PRDM4: variants seen among roughly 807,000 people sequenced by gnomAD.
PRDM4 encodes the protein PR domain zinc finger protein 4.
A neutral mutation model predicts 62.3 loss-of-function variants in PRDM4; 38 were observed. The ratio of observed to expected loss-of-function variants is 0.61; its 90% confidence interval spans 0.47 to 0.80. The LOEUF (loss-of-function observed/expected upper bound fraction) is 0.80, where lower values mean the gene tolerates loss of function less well. Ranked by LOEUF, PRDM4 falls within the 30% of genes least tolerant of loss-of-function variation. The pLI is 0.00. For synonymous variants in PRDM4, 339 were observed against 348.2 expected, an observed-to-expected ratio of 0.97 and a Z score of 0.30; for missense variants, 858 against 997.1, an observed-to-expected ratio of 0.86 and a Z score of 1.88.
chr12:107,752,242 T>A, intron 4 of PRDM4, 33 bp from the exon 5 acceptor site: 4 of 1,458,352 alleles, frequency 2.7e-6, no homozygotes, highest in Non-Finnish European at 3.8e-6. Context: ...TATCAGAGAC[T>A]TTTAGTACAT....
chr12:107,748,918 T>C (rs1454968060), intron 5 of PRDM4, among the ~76,000 whole-genome samples: 2 of 152,202 alleles, frequency 1.3e-5, no homozygotes, highest in African/African-American at 4.8e-5. Context: ...ACCTCCTACC[T>C]TCTGCTAAAT....
chr12:107,746,194 A>C, intron 6 of PRDM4, 81 bp downstream of exon 6: 5 of 1,527,734 alleles, frequency 3.3e-6, no homozygotes, highest in Non-Finnish European at 4.5e-6. Context: ...TAATTACTAA[A>C]TTATACACAT....
intron 10 of PRDM4, chr12:107,739,761 C>A: frequency 4.5e-6 from 2 of 446,990 alleles, no homozygotes; most frequent in East Asian, 7.0e-5. Context: ...TTAATTTGAT[C>A]TCCTTTAGGA....
Position 107,734,151 on chromosome 12 carries a change from C to T in PRDM4, c.*59G>A, listed in dbSNP as rs773687284. On this transcript the variant is annotated 3_prime_UTR_variant, in exon 12 of 12. Transcript: ENST00000228437. ...ATATAAAAACCATTATAGTAGATAA[C>T]TGGTTATGTGTATTTTTCCATTTGC... 11 of 1,475,650 alleles carry T rather than the reference C, an allele frequency of 7.5e-6. No homozygotes were observed. The highest frequency in any genetic ancestry group is 1.0e-5 in the Non-Finnish European group (11 of 1,092,790). 91.4% of individuals were successfully genotyped at this position (1,475,650 alleles called of 1,614,324 possible).
chr12:107,757,111 A>G, intron 2 of PRDM4, 146 bp from the exon 3 acceptor site: 1 of 739,526 alleles, frequency 1.4e-6, no homozygotes, highest in Non-Finnish European at 2.2e-6. Flanking sequence ...ATTCTCTTAG[A>G]TAGCTAGTGC....
Position 107,734,201 on chromosome 12 carries a change from C to T in PRDM4, c.*9G>A. On this transcript the variant is annotated 3_prime_UTR_variant, in exon 12 of 12. Coordinates refer to ENST00000228437, the MANE Select transcript of PRDM4 (RefSeq NM_012406.4). The stretch of plus-strand genomic sequence containing the variant: ...CATTTTCATCCAAAATTGCTTGTTT[C>T]TTTTCCTTTTATTTATGTGCAGAAA... 4 of 1,569,724 alleles carry T rather than the reference C, an allele frequency of 2.5e-6. No homozygotes were observed. The highest frequency in any genetic ancestry group is 2.6e-6 in the Non-Finnish European group (3 of 1,160,414).
chr12:107,757,710 T>C (rs1163453386), intron 2 of PRDM4, among the ~76,000 whole-genome samples: 2 of 151,838 alleles, frequency 1.3e-5, no homozygotes, highest in African/African-American at 4.9e-5. Context: ...AAGTTTTTCA[T>C]TGCACCAAAC....
intron 5 of PRDM4, 32 bp from the exon 6 acceptor site, chr12:107,746,456 G>C: frequency 1.3e-6 from 2 of 1,506,010 alleles, no homozygotes; most frequent in Non-Finnish European, 1.8e-6. Flanking sequence ...AATACAAATG[G>C]GTTTAGTTCA....
chr12:107,742,406 A>G (rs1317190665), intron 8 of PRDM4, 58 bp from the exon 9 acceptor site: 26 of 1,558,912 alleles, frequency 1.7e-5, no homozygotes, highest in Admixed American at 1.0e-4. Flanking sequence ...TACTAAGTAC[A>G]ACATTCCCCC....
At chr12:107,752,862 C>T (rs749253298) in intron 4 of PRDM4, among the ~76,000 whole-genome samples, 2 of 152,014 alleles carry the variant, frequency 1.3e-5, no homozygotes, top group East Asian at 1.9e-4. Flanking sequence ...TACATAAAGA[C>T]GTTCATAAGA....
chr12:107,750,106 C>T (rs1307279380), intron 5 of PRDM4, among the ~76,000 whole-genome samples: 1 of 152,184 alleles, frequency 6.6e-6, no homozygotes, highest in East Asian at 1.9e-4. Context: ...CAATGCACTT[C>T]ACCCCATCGT....
Position 107,746,327 on chromosome 12 carries a change from A to G in PRDM4, c.1224T>C (p.Leu408=), listed in dbSNP as rs1890704074. ...GGAGAACAAGCTGCTTTGGGAGAGA[A>G]AGCCTTGCTCTGCTCTCTATTGGAG... The part of the protein sequence containing the change: ...PDTPIESRAR[L]SLPKQLVLRQ... The change falls in exon 6 of 12, where the codon CTT becomes CTC. Residue 408 remains leucine, a synonymous_variant. Transcript: ENST00000228437. 6.2e-7 allele frequency: 1 copy of G among 1,614,034 alleles called. No homozygotes were observed. The highest frequency in any genetic ancestry group is 8.5e-7 in the Non-Finnish European group (1 of 1,180,024).
chr12:107,748,103 C>T (rs530090719), intron 5 of PRDM4, among the ~76,000 whole-genome samples: 15 of 151,972 alleles, frequency 9.9e-5, no homozygotes, highest in African/African-American at 3.1e-4. Flanking sequence ...GGCTTGAACC[C>T]GGGAGGTGGA....
chr12:107,744,131 A>G (rs1010286810), intron 7 of PRDM4, among the ~76,000 whole-genome samples: 2 of 152,156 alleles, frequency 1.3e-5, no homozygotes, highest in African/African-American at 4.8e-5. Flanking sequence ...AAAAAAAAAG[A>G]AAACTAGAAA....
chr12:107,754,178 G>A, intron 3 of PRDM4, 69 bp from the exon 4 acceptor site: 5 of 1,262,588 alleles, frequency 4.0e-6, no homozygotes, highest in South Asian at 1.6e-5. Flanking sequence ...TACAACCACT[G>A]GCTAAACTCT....
chr12:107,760,527 C>T lies in PRDM4; in HGVS notation c.-12G>A. The T allele has an allele frequency of 6.2e-7, 1 of 1,613,242 alleles. No homozygotes were observed. The highest frequency in any genetic ancestry group is 8.5e-7 in the Non-Finnish European group (1 of 1,179,644). ...CACCTGTGATGCATCGGCTTGGGGC[C>T]AAATATCAGAGAAAGGAGCGCTCGG... is the stretch of plus-strand genomic sequence containing the variant. On this transcript the variant is annotated 5_prime_UTR_variant, in exon 2 of 12. It introduces an in-frame stop codon into an upstream open reading frame of the 5' UTR. Transcript: ENST00000228437.
intron 7 of PRDM4, 44 bp from the exon 8 acceptor site, chr12:107,743,326 C>G: frequency 7.5e-7 from 1 of 1,338,296 alleles, no homozygotes; most frequent in African/African-American, 1.4e-5. Context: ...CACTGACATG[C>G]AATAAAGCAC....
intron 4 of PRDM4, 63 bp downstream of exon 4, chr12:107,753,860 GA>G: frequency 6.8e-7 from 1 of 1,460,266 alleles, no homozygotes. Flanking sequence ...ATATCTTCAG[GA>G]TAAAAGTTTA....
chr12:107,744,863 C>G (rs1228489596), intron 6 of PRDM4, among the ~76,000 whole-genome samples: 1 of 152,058 alleles, frequency 6.6e-6, no homozygotes, highest in Admixed American at 6.5e-5. Flanking sequence ...AGTTTGAGAT[C>G]AGCTTGGCCA....
Sources: allele counts gnomAD v4.1 joint callset (sites outside exome capture counted in the v4.1 genomes callset), GRCh38; gene constraint gnomAD v4.1.1; transcripts MANE v1.5; gene names NCBI Gene and HGNC (gene_info 2026-07-23, HGNC 2026-07-21).